Variants in KCNU1 observed in about 807,000 individuals in gnomAD.
KCNU1 encodes potassium channel subfamily U member 1.
A neutral mutation model predicts 126.8 loss-of-function variants in KCNU1; 93 were observed. The ratio of observed to expected loss-of-function variants is 0.73; its 90% CI spans 0.62 to 0.87. The LOEUF (loss-of-function observed/expected upper bound fraction) is 0.87. Among genes scored for constraint, KCNU1 ranks in the 40% least tolerant of loss-of-function variants. KCNU1 has a pLI of 0.00. For missense variants in KCNU1, 1,330 were observed against 1,367.1 expected, an observed-to-expected ratio of 0.97 and a Z score of 0.43; for synonymous variants, 523 against 494.2, an observed-to-expected ratio of 1.06 and a Z score of -0.77.
intron 18 of KCNU1, among the ~76,000 whole-genome samples, chr8:36,859,396 C>T (rs202109239): frequency 6.6e-6 from 1 of 152,130 alleles, no homozygotes; most frequent in East Asian, 1.9e-4. Flanking sequence ...ACAGTTATCT[C>T]TTTAATGAAT....
intron 10 of KCNU1, among the ~76,000 whole-genome samples, chr8:36,824,423 A>G (rs1804241763): frequency 6.6e-6 from 1 of 152,180 alleles, no homozygotes; most frequent in Non-Finnish European, 1.5e-5. Context: ...TTTTATTGTT[A>G]ATGCCTTATT....
At chr8:36,894,788 G>A (rs1029221331) in intron 19 of KCNU1, among the ~76,000 whole-genome samples, 5 of 152,028 alleles carry the variant, frequency 3.3e-5, no homozygotes, top group Non-Finnish European at 7.4e-5. Context: ...TATTACAGAT[G>A]ATACAAAAAT....
intron 23 of KCNU1, among the ~76,000 whole-genome samples, chr8:36,921,722 C>A (rs1053121276): frequency 6.6e-6 from 1 of 151,138 alleles, no homozygotes; most frequent in African/African-American, 2.4e-5. Flanking sequence ...TCTCTTCTCA[C>A]GGACCACAGT....
chr8:36,856,893 CTAAT>C, intron 18 of KCNU1, among the ~76,000 whole-genome samples: 1 of 152,318 alleles, frequency 6.6e-6, no homozygotes, highest in East Asian at 1.9e-4. Context: ...TTACTAGCCT[CTAAT>C]TAATTGTTTA....
Position 36,871,406 on chromosome 8 carries a change from T to TAC in KCNU1, c.2009+6887_2009+6888dup, listed in dbSNP as rs1554510693. Among the ~76,000 whole-genome samples, 919 of 144,310 alleles carry TAC rather than the reference T, an allele frequency of 6.4e-3. 8 individuals carry two copies. Among genetic ancestry groups the TAC allele is most frequent in the African/African-American group, 0.02 (811 of 40,916 alleles). The allele number at this position is 144,310 out of a possible 152,430, so 94.7% of individuals were successfully genotyped here. Reference sequence around the variant, plus strand: ...GCAAAGTACCATATATATATATATATACATAGAGAGAGAGAGAGAGCGAGC... The same window carrying TAC: ...GCAAAGTACCATATATATATATATATACACATAGAGAGAGAGAGAGAGCGAGC... On this transcript the variant is annotated intron_variant, in intron 19 of 26. Transcript: ENST00000399881.
At position 36,840,572 on chromosome 8, in the gene KCNU1, C is replaced by A; in HGVS notation, c.1628C>A (p.Ala543Asp). Reference protein sequence around the residue: ...DFAGMSFPEVARLCFLKMHLL... With the variant: ...DFAGMSFPEVDRLCFLKMHLL... ...GCTGGAATGAGCTTTCCTGAAGTTG[C>A]CCGGTAAGTGAAGTGAAATACTTCC... Residue 543 changes from alanine to aspartate, a missense_variant, in exon 15 of 27, where the codon GCC (alanine) becomes GAC (aspartate). This residue lies in a region of KCNU1 where 1,054 missense variants were observed against 1,053.9 expected (regional missense o/e 1.00). Transcript: ENST00000399881. The A allele has an allele frequency of 6.3e-7, 1 of 1,575,636 alleles. No individual in the cohort carries two copies. The highest frequency in any genetic ancestry group is 8.7e-7 in the Non-Finnish European group (1 of 1,145,884).
At position 36,930,473 on chromosome 8, in the gene KCNU1, A is replaced by T. The variant is rs138872589; in HGVS notation, c.2737-478A>T. ...GTCAATATATGTCCCTAAGTAGGTC[A>T]CAAACAAAAGGATTATAAGTAAATC... On this transcript the variant is annotated intron_variant, in intron 24 of 26. Transcript: ENST00000399881. Among the ~76,000 whole-genome samples, 28 of 152,320 alleles carry T rather than the reference A, an allele frequency of 1.8e-4. No individual in the cohort carries two copies. In the East Asian group the frequency reaches 5.0e-3, roughly 27 times the overall value.
At chr8:36,888,091 AT>A (rs1806790073) in intron 19 of KCNU1, among the ~76,000 whole-genome samples, 1 of 152,044 alleles carries the variant, frequency 6.6e-6, no homozygotes, top group Non-Finnish European at 1.5e-5. Context: ...TTAGAATTTT[AT>A]TTTTATTTTA....
intron 1 of KCNU1, among the ~76,000 whole-genome samples, chr8:36,784,815 T>C (rs971527989): frequency 2.0e-5 from 3 of 152,118 alleles, no homozygotes; most frequent in Non-Finnish European, 2.9e-5. Context: ...CTCTCTCCCA[T>C]CACTGGAAAA....
intron 2 of KCNU1, among the ~76,000 whole-genome samples, chr8:36,791,942 T>A (rs964683143): frequency 1.3e-5 from 2 of 152,156 alleles, no homozygotes. Flanking sequence ...CAAGAATTTA[T>A]TTTGGTATGT....
At chr8:36,808,596 G>A (rs563244586) in intron 6 of KCNU1, 122 bp from the exon 7 acceptor site, 125 of 651,696 alleles carry the variant, frequency 1.9e-4, no homozygotes, top group Non-Finnish European at 3.1e-4. Flanking sequence ...ATATGTTTTC[G>A]GGTAATGCCG....
At chr8:36,799,332 G>A (rs1803218259) in intron 2 of KCNU1, among the ~76,000 whole-genome samples, 1 of 151,812 alleles carries the variant, frequency 6.6e-6, no homozygotes, top group African/African-American at 2.4e-5. Flanking sequence ...ATATGGCTGT[G>A]TGTGTGTCTT....
rs536294204 is a variant in KCNU1 at position 36,874,303 on chromosome 8, A to AT, written c.2009+9790dup. On this transcript the variant is annotated intron_variant, in intron 19 of 26. Coordinates refer to ENST00000399881, the MANE Select transcript of KCNU1 (RefSeq NM_001031836.3). ...ATGTTCCTTAAAACATGTGGAAATC[A>AT]TTTTTTTTCCTAAATGCTATTCTGT... is the stretch of plus-strand genomic sequence containing the variant. Among the ~76,000 whole-genome samples the AT allele has an allele frequency of 1.5e-4, 23 of 152,004 alleles. No homozygotes were observed. In the East Asian group the frequency reaches 3.7e-3, roughly 24 times the overall value.
At chr8:36,801,483 T>C (rs7016533) in intron 2 of KCNU1, among the ~76,000 whole-genome samples, 1 of 151,156 alleles carries the variant, frequency 6.6e-6, no homozygotes, top group Non-Finnish European at 1.5e-5. Flanking sequence ...TTTCCATGGG[T>C]TGGGGGGGTT....
At chr8:36,835,227 C>T (rs1335094161) in intron 12 of KCNU1, among the ~76,000 whole-genome samples, 1 of 152,084 alleles carries the variant, frequency 6.6e-6, no homozygotes, top group Non-Finnish European at 1.5e-5. Context: ...TTTATGAACC[C>T]TATTAGTGCA....
chr8:36,817,724 C>G lies in KCNU1; in HGVS notation c.1070C>G (p.Ser357Ter), dbSNP rs756462308. ...AFLRNFLRDKSGEINTEIVFL... is the reference protein window; with the variant it reads ...AFLRNFLRDK ...CTGAGGAATTTCCTCCGCGACAAGTCAGGAGAGATCAACACTGAAATTGTT... is the reference window on the plus strand; with the variant it reads ...CTGAGGAATTTCCTCCGCGACAAGTGAGGAGAGATCAACACTGAAATTGTT... The change falls in exon 10 of 27, where the codon TCA becomes TGA. Residue 357 changes from serine (S) to a stop codon, truncating the protein, a stop_gained. Transcript: ENST00000399881. LOFTEE classifies it high-confidence loss of function. 1 of 1,609,050 alleles carries G rather than the reference C, an allele frequency of 6.2e-7. No homozygotes were observed. The highest frequency in any genetic ancestry group is 2.2e-5 in the East Asian group (1 of 44,792).
At chr8:36,886,982 T>G (rs2117424508) in intron 19 of KCNU1, among the ~76,000 whole-genome samples, 1 of 151,092 alleles carries the variant, frequency 6.6e-6, no homozygotes, top group Admixed American at 6.5e-5. Flanking sequence ...ATTATTTTGT[T>G]TTTTTTATGG....
intron 2 of KCNU1, chr8:36,795,954 A>G (rs933045724): frequency 2.0e-5 from 3 of 152,194 alleles, no homozygotes; most frequent in African/African-American, 7.2e-5. Flanking sequence ...AGCCTTCACC[A>G]TGGAAACAGC....
rs577053305 is a variant in KCNU1, at chr8:36,794,245, T to C, written c.315+6820T>C. The stretch of plus-strand genomic sequence containing the variant: ...TTGATTAGAAAGAACCTTTTTTTTT[T>C]GGTATGCCTCTTTTTCTCTAATTTG... On this transcript the variant is annotated intron_variant, in intron 2 of 26. Transcript: ENST00000399881. 2.6e-5 allele frequency among the ~76,000 whole-genome samples: 4 copies of C among 151,902 alleles called. 1 individual carries two copies. The highest frequency in any genetic ancestry group is 7.3e-5 in the African/African-American group (3 of 41,364).
Sources: gnomAD v4.1 joint callset for allele counts (sites outside exome capture counted in the v4.1 genomes callset) on GRCh38, gnomAD v4.1.1 for gene constraint, gnomAD v4.1.1 regional missense constraint, MANE v1.5 for transcripts, NCBI Gene and HGNC (gene_info 2026-07-23, HGNC 2026-07-21) for gene names.